Variants in EYS observed in about 807,000 individuals in gnomAD.
EYS encodes the protein protein eyes shut homolog.
A neutral mutation model predicts 282.1 loss-of-function variants in EYS; 250 were observed. The ratio of observed to expected loss-of-function variants is 0.89; its 90% CI spans 0.80 to 0.98. The LOEUF (loss-of-function observed/expected upper bound fraction) is 0.98, where lower values mean the gene tolerates loss of function less well. EYS is among the 50% of genes least tolerant of loss of function. The pLI is 0.00. For missense variants in EYS, 4,016 were observed against 3,709.0 expected (o/e 1.08, Z -2.15); for synonymous variants, 1,355 against 1,282.9 (o/e 1.06, Z -1.20).
intron 31 of EYS, among the ~76,000 whole-genome samples, chr6:64,206,074 TACCTGGTA>T (rs1173175522): frequency 6.6e-6 from 1 of 152,128 alleles, no homozygotes; most frequent in African/African-American, 2.4e-5. Context: ...CAAAATAATC[TACCTGGTA>T]AGACTCACTT....
At chr6:64,843,795 T>C (rs955236562) in intron 19 of EYS, among the ~76,000 whole-genome samples, 2 of 152,026 alleles carry the variant, frequency 1.3e-5, no homozygotes, top group South Asian at 2.1e-4. Flanking sequence ...GATTTTGAAA[T>C]GTGAGGACAT....
intron 2 of EYS, among the ~76,000 whole-genome samples, chr6:65,570,361 T>C (rs1397810918): frequency 6.6e-6 from 1 of 152,218 alleles, no homozygotes; most frequent in Non-Finnish European, 1.5e-5. Context: ...ATAGGTTCTC[T>C]ATACTCTTCA....
chr6:63,794,307 T>C (rs1372092886), intron 37 of EYS, among the ~76,000 whole-genome samples: 1 of 152,172 alleles, frequency 6.6e-6, no homozygotes, highest in Non-Finnish European at 1.5e-5. Context: ...TTTTATAAAG[T>C]CTGGGAAGCA....
intron 22 of EYS, among the ~76,000 whole-genome samples, chr6:64,805,977 A>G (rs973307401): frequency 6.6e-6 from 1 of 151,532 alleles, no homozygotes; most frequent in African/African-American, 2.4e-5. Flanking sequence ...AAAAAATCTT[A>G]CATGTGAATA....
At chr6:65,431,837 A>G (rs552900968) in intron 5 of EYS, among the ~76,000 whole-genome samples, 1 of 152,314 alleles carries the variant, frequency 6.6e-6, no homozygotes, top group Admixed American at 6.5e-5. Context: ...ATGAATAAAT[A>G]ACAAAATTAA....
chr6:65,433,458 G>A (rs894422193), intron 5 of EYS, among the ~76,000 whole-genome samples: 5 of 152,148 alleles, frequency 3.3e-5, no homozygotes, highest in Admixed American at 3.3e-4. Context: ...TATTTTCATG[G>A]TCATCTCTTT....
chr6:64,642,241 T>C (rs1167017828), intron 22 of EYS, among the ~76,000 whole-genome samples: 1 of 152,228 alleles, frequency 6.6e-6, no homozygotes. Flanking sequence ...TCTTGAATTA[T>C]AACATTTTTG....
chr6:64,713,240 A>T (rs1041727244), intron 22 of EYS: 1 of 152,142 alleles, frequency 6.6e-6, no homozygotes, highest in Non-Finnish European at 1.5e-5. Flanking sequence ...CCAGAATATG[A>T]TTTCCAAAAC....
intron 28 of EYS, among the ~76,000 whole-genome samples, chr6:64,417,408 T>C (rs1774090976): frequency 6.6e-6 from 1 of 152,158 alleles, no homozygotes; most frequent in African/African-American, 2.4e-5. Flanking sequence ...CAGAAACTTG[T>C]TTTAATTGGT....
intron 29 of EYS, among the ~76,000 whole-genome samples, chr6:64,377,196 A>C (rs1317700567): frequency 6.6e-6 from 1 of 152,202 alleles, no homozygotes; most frequent in Non-Finnish European, 1.5e-5. Context: ...ATTGAAAAAA[A>C]GCATACTAAT....
intron 12 of EYS, among the ~76,000 whole-genome samples, chr6:65,209,134 A>T (rs1198890224): frequency 6.6e-6 from 1 of 151,914 alleles, no homozygotes; most frequent in Non-Finnish European, 1.5e-5. Flanking sequence ...ACTTTAAGGT[A>T]AGATTGTCTT....
intron 35 of EYS, among the ~76,000 whole-genome samples, chr6:63,976,120 C>T (rs993694119): frequency 1.3e-5 from 2 of 151,846 alleles, no homozygotes; most frequent in African/African-American, 4.8e-5. Flanking sequence ...AATGGTACAC[C>T]TATATAGGGT....
chr6:65,685,178 T>C (rs1340063335), intron 1 of EYS, among the ~76,000 whole-genome samples: 1 of 151,944 alleles, frequency 6.6e-6, no homozygotes, highest in Non-Finnish European at 1.5e-5. Flanking sequence ...AGGGACAAAG[T>C]CCCTGTAGCA....
At chr6:63,869,389 G>T (rs1772746272) in intron 35 of EYS, among the ~76,000 whole-genome samples, 2 of 134,308 alleles carry the variant, frequency 1.5e-5, no homozygotes, top group South Asian at 2.4e-4. Context: ...TCTCTGACAG[G>T]CATGGTTCAC....
At position 65,096,166 on chromosome 6, in the gene EYS, T is replaced by C. The variant is rs578155586; in HGVS notation, c.2024-38439A>G. On this transcript the variant is annotated intron_variant, in intron 12 of 42. Transcript: ENST00000503581. ...AATTTAGTTTTTTAAATGGTAAGTATAAATTACATATATACTTAAAATCAG... is the reference window on the plus strand; with the variant it reads ...AATTTAGTTTTTTAAATGGTAAGTACAAATTACATATATACTTAAAATCAG... Among the ~76,000 whole-genome samples, 7 of 151,032 alleles carry C rather than the reference T, an allele frequency of 4.6e-5. No homozygotes were observed. The East Asian group carries it at 1.4e-3, about 29-fold the overall frequency.
chr6:64,492,464 G>GT (rs139687395), intron 26 of EYS, among the ~76,000 whole-genome samples: 4,626 of 150,600 alleles, frequency 0.031, 111 homozygotes, highest in East Asian at 0.11. Context: ...TGCTGGTCCT[G>GT]TTTTTTTGTT....
intron 28 of EYS, among the ~76,000 whole-genome samples, chr6:64,433,711 G>A (rs943621083): frequency 2.6e-5 from 4 of 151,956 alleles, no homozygotes; most frequent in African/African-American, 9.7e-5. Flanking sequence ...GTGACATTTT[G>A]TAATAAAGAT....
At chr6:64,293,624 T>A (rs1768793638) in intron 30 of EYS, among the ~76,000 whole-genome samples, 1 of 152,126 alleles carries the variant, frequency 6.6e-6, no homozygotes, top group Admixed American at 6.5e-5. Flanking sequence ...ATAAGGTAGC[T>A]TTAAAGGTGT....
intron 2 of EYS, among the ~76,000 whole-genome samples, chr6:65,637,841 C>A (rs1263327386): frequency 6.6e-6 from 1 of 152,114 alleles, no homozygotes; most frequent in Non-Finnish European, 1.5e-5. Flanking sequence ...GTGAGAGCAG[C>A]TCAGCATGGG....
Sources: gnomAD v4.1 joint callset for allele counts (sites outside exome capture counted in the v4.1 genomes callset) on GRCh38, gnomAD v4.1.1 for gene constraint, MANE v1.5 for transcripts, NCBI Gene and HGNC (gene_info 2026-07-23, HGNC 2026-07-21) for gene names.